RFX7: variants seen among roughly 807,000 people sequenced by gnomAD.
RFX7 encodes regulatory factor X7, also known as DNA-binding protein RFX7.
Under a neutral mutation model 111.8 loss-of-function variants are expected in RFX7, and 26 were observed. The observed-to-expected ratio is 0.23, with a 90% CI of 0.17 to 0.32. The LOEUF (loss-of-function observed/expected upper bound fraction) is 0.32, where lower values mean the gene tolerates loss of function less well. Ranked by LOEUF, RFX7 falls within the 10% of genes least tolerant of loss-of-function variation. The pLI is 1.00. For missense variants in RFX7, 1,573 were observed against 1,772.9 expected (o/e 0.89, Z 2.02); for synonymous variants, 624 against 624.4 (o/e 1.00, Z 0.01).
chr15:56,240,996 T>C (rs1199205971), intron 2 of RFX7, among the ~76,000 whole-genome samples: 1 of 152,148 alleles, frequency 6.6e-6, no homozygotes, highest in Non-Finnish European at 1.5e-5. Context: ...CTATTAAGTA[T>C]ATTTACTAAT....
At chr15:56,158,069 A>C (rs2042675477) in intron 3 of RFX7, among the ~76,000 whole-genome samples, 1 of 152,222 alleles carries the variant, frequency 6.6e-6, no homozygotes. Context: ...CAAATTAATA[A>C]TAAAGAATAA....
chr15:56,120,790 A>AG (rs2042068765), intron 5 of RFX7, among the ~76,000 whole-genome samples: 2 of 152,322 alleles, frequency 1.3e-5, no homozygotes, highest in Admixed American at 1.3e-4. Flanking sequence ...GGTTACCATG[A>AG]GGCTTGCAGA....
chr15:56,235,154 C>G (rs746531848), intron 2 of RFX7, among the ~76,000 whole-genome samples: 8 of 151,022 alleles, frequency 5.3e-5, no homozygotes, highest in Non-Finnish European at 1.0e-4. Flanking sequence ...CCAGTTCATA[C>G]AGTAATCCCC....
chr15:56,218,031 C>T (rs2043380863), intron 2 of RFX7, among the ~76,000 whole-genome samples: 1 of 151,358 alleles, frequency 6.6e-6, no homozygotes. Context: ...TGTGCCTGTA[C>T]TGAACACACC....
chr15:56,095,908 T>G lies in RFX7; in HGVS notation c.1820A>C (p.Asn607Thr). The change falls in exon 10 of 10, where the codon AAT becomes ACT. Residue 607 changes from asparagine (N) to threonine (T), a missense_variant. Asn to Thr is a moderately conservative substitution (Grantham distance 65). This residue lies in a region of RFX7 where 625 missense variants were observed against 632.2 expected (regional missense o/e 0.99). Transcript: ENST00000559447. ...TGTTGACGTGCCTGGCAGCATTTCA[T>G]TACAGCGACTTTTACATTTGGTCCT... ...DQRTKCKSRC[N>T]EMLPGTSTGN... 6.2e-7 allele frequency: 1 copy of G among 1,605,406 alleles called. No homozygotes were observed. Among genetic ancestry groups the G allele is most frequent in the Non-Finnish European group, 8.5e-7 (1 of 1,179,808 alleles).
chr15:56,177,837 AAGAGTTGGAAGAC>A (rs2042918785), intron 3 of RFX7, among the ~76,000 whole-genome samples: 1 of 152,120 alleles, frequency 6.6e-6, no homozygotes, highest in African/African-American at 2.4e-5. Flanking sequence ...TGAGACTCTT[AAGAGTTGGAAGAC>A]AGAGGAAATG....
At chr15:56,141,426 C>G (rs1022885047) in intron 5 of RFX7, among the ~76,000 whole-genome samples, 1 of 151,706 alleles carries the variant, frequency 6.6e-6, no homozygotes, top group Non-Finnish European at 1.5e-5. Flanking sequence ...CTTCAACTGC[C>G]TCATTTTATA....
intron 2 of RFX7, 90 bp downstream of exon 2, chr15:56,243,035 C>CCA: frequency 2.8e-6 from 2 of 716,022 alleles, no homozygotes; most frequent in East Asian, 6.5e-5. Flanking sequence ...TCAGCCTCCT[C>CCA]CTCCGCTCCC....
intron 5 of RFX7, among the ~76,000 whole-genome samples, chr15:56,110,303 G>A (rs1291884662): frequency 7.6e-5 from 4 of 52,812 alleles, no homozygotes; most frequent in Admixed American, 1.9e-4. Flanking sequence ...CAGCCGCCCC[G>A]TCCGGGAGGG....
intron 5 of RFX7, among the ~76,000 whole-genome samples, chr15:56,128,920 A>C (rs2042178380): frequency 6.6e-6 from 1 of 152,180 alleles, no homozygotes; most frequent in Non-Finnish European, 1.5e-5. Context: ...CAACTAATCC[A>C]AAAGTGTTAT....
At chr15:56,237,563 T>C (rs2043637884) in intron 2 of RFX7, among the ~76,000 whole-genome samples, 1 of 152,232 alleles carries the variant, frequency 6.6e-6, no homozygotes, top group South Asian at 2.1e-4. Context: ...GACACTTCTC[T>C]CTTTTCTACC....
chr15:56,096,788 A>G (rs2041685398), intron 9 of RFX7, among the ~76,000 whole-genome samples, 168 bp from the exon 10 acceptor site: 1 of 152,258 alleles, frequency 6.6e-6, no homozygotes, highest in Admixed American at 6.5e-5. Context: ...AATCAGACAC[A>G]TAAATGTAAC....
intron 5 of RFX7, among the ~76,000 whole-genome samples, chr15:56,131,756 C>G (rs1164089625): frequency 6.6e-6 from 1 of 152,096 alleles, no homozygotes; most frequent in Non-Finnish European, 1.5e-5. Context: ...GAAATGATGT[C>G]TATCACTGCT....
intron 2 of RFX7, among the ~76,000 whole-genome samples, chr15:56,192,061 C>T (rs1198780098): frequency 6.6e-6 from 1 of 152,124 alleles, no homozygotes; most frequent in Non-Finnish European, 1.5e-5. Context: ...TCAGGCAATT[C>T]TTTACAAAAA....
chr15:56,142,730 T>C, intron 5 of RFX7, 48 bp downstream of exon 5: 1 of 1,554,968 alleles, frequency 6.4e-7, no homozygotes, highest in Non-Finnish European at 8.8e-7. Context: ...AAGTATAGTA[T>C]TTTACCTCTT....
At chr15:56,119,294 T>A (rs1423348468) in intron 5 of RFX7, among the ~76,000 whole-genome samples, 1 of 152,220 alleles carries the variant, frequency 6.6e-6, no homozygotes, top group Non-Finnish European at 1.5e-5. Flanking sequence ...CCTAGTGTTC[T>A]CTTATAGTAG....
chr15:56,109,456 C>A (rs1294193617), intron 5 of RFX7, among the ~76,000 whole-genome samples: 2 of 152,218 alleles, frequency 1.3e-5, no homozygotes, highest in African/African-American at 4.8e-5. Flanking sequence ...GCAGCCTCTG[C>A]CTGGCCGCCA....
rs138845624 is a variant in RFX7, at chr15:56,243,640, TG to T, written c.-199del. On this transcript the variant is annotated 5_prime_UTR_variant, in exon 1 of 10. Coordinates refer to ENST00000559447, the MANE Select transcript of RFX7 (RefSeq NM_022841.7). ...GAGATGGGGGCGTTTGAAGACGAAG[TG>T]GGGGGGGCAGGCTCCCCCCAAAATC... 8,821 of 116,260 alleles carry T rather than the reference TG, an allele frequency of 0.076. 943 individuals carry two copies. The highest frequency in any genetic ancestry group is 0.26 in the African/African-American group (8,276 of 32,376). The allele number at this position is 116,260 out of a possible 1,614,324, so 7.2% of individuals were successfully genotyped here.
intron 2 of RFX7, among the ~76,000 whole-genome samples, chr15:56,200,500 C>A (rs1224846548): frequency 6.6e-6 from 1 of 152,068 alleles, no homozygotes; most frequent in African/African-American, 2.4e-5. Context: ...AACCATGCAG[C>A]TTAGTATCTA....
Sources: gnomAD v4.1 joint callset for allele counts (sites outside exome capture counted in the v4.1 genomes callset) on GRCh38, gnomAD v4.1.1 for gene constraint, gnomAD v4.1.1 regional missense constraint, MANE v1.5 for transcripts, NCBI Gene and HGNC (gene_info 2026-07-23, HGNC 2026-07-21) for gene names.